The following ARNT variants were observed in gnomAD, a reference collection of about 807,000 sequenced individuals.
ARNT encodes the protein class E basic helix-loop-helix protein 2.
Under a neutral mutation model 105.0 loss-of-function variants are expected in ARNT, and 30 were observed. That is an observed-to-expected ratio of 0.29 (90% CI 0.21 to 0.39). The LOEUF (loss-of-function observed/expected upper bound fraction) is 0.39. Among genes scored for constraint, ARNT ranks in the 10% least tolerant of loss-of-function variants. ARNT has a pLI of 1.00. For synonymous variants in ARNT, 304 were observed against 344.0 expected (o/e 0.88, Z 1.29); for missense variants, 748 against 978.7 (o/e 0.76, Z 3.15).
chr1:150,812,364 C>T (rs1654904461), intron 21 of ARNT, among the ~76,000 whole-genome samples: 1 of 152,084 alleles, frequency 6.6e-6, no homozygotes, highest in Non-Finnish European at 1.5e-5. Flanking sequence ...GGAGAAAAAT[C>T]TGCTTGCTGT....
rs1217995190 is a variant in ARNT, at chr1:150,811,499, C to A, written c.*522G>T. 8.6e-6 allele frequency: 2 copies of A among 233,678 alleles called. No homozygotes were observed. The highest frequency in any genetic ancestry group is 1.7e-5 in the Non-Finnish European group (2 of 118,162). 14.5% of individuals were successfully genotyped at this position (233,678 alleles called of 1,614,324 possible). A position where few individuals can be genotyped will look rare whatever the true frequency, so the allele number is the denominator to read the frequency against. ...ACACATACACACACACTCTCTCTCA[C>A]TTACTCACATGTTTCTTTCCAGAGG... On this transcript the variant is annotated 3_prime_UTR_variant, in exon 22 of 22. Transcript: ENST00000358595.
intron 8 of ARNT, among the ~76,000 whole-genome samples, chr1:150,834,290 A>T (rs1470861147): frequency 6.6e-6 from 1 of 152,186 alleles, no homozygotes; most frequent in Non-Finnish European, 1.5e-5. Context: ...GGTAACCATC[A>T]ATCTTACACT....
At chr1:150,863,897 TAC>T (rs199720361) in intron 1 of ARNT, among the ~76,000 whole-genome samples, 1,641 of 151,902 alleles carry the variant, frequency 0.011, 6 homozygotes, top group Non-Finnish European at 0.017. Flanking sequence ...GATATGAAAA[TAC>T]AGTTATGTAT....
chr1:150,832,427 G>A lies in ARNT; in HGVS notation c.804-28C>T, dbSNP rs9325979. ...GTTTCAAGGAATAAAGAGATTAAAA[G>A]CAATCAGACTGCCCTATCAAAGAAC... On this transcript the variant is annotated intron_variant, in intron 8 of 21. Transcript: ENST00000358595. 0.012 allele frequency: 18,563 copies of A among 1,609,430 alleles called. 1,752 individuals carry two copies. In the African/African-American group the frequency reaches 0.21, roughly 18 times the overall value.
intron 14 of ARNT, among the ~76,000 whole-genome samples, chr1:150,821,794 G>A (rs1048356052): frequency 2.0e-5 from 3 of 150,000 alleles, no homozygotes; most frequent in Admixed American, 6.7e-5. Flanking sequence ...GACTATAGGC[G>A]TGTGCCACCA....
chr1:150,829,182 G>A lies in ARNT; in HGVS notation c.1078C>T (p.Pro360Ser). 2 of 1,614,136 alleles carry A rather than the reference G, an allele frequency of 1.2e-6. No individual in the cohort carries two copies. Among genetic ancestry groups the A allele is most frequent in the Non-Finnish European group, 8.5e-7 (1 of 1,179,998 alleles). Residue 360 changes from proline (P) to serine (S), a missense_variant, in exon 12 of 22, where the codon CCA becomes TCA. Pro to Ser is a moderately conservative substitution (Grantham distance 74). Coordinates refer to ENST00000358595, the MANE Select transcript of ARNT (RefSeq NM_001668.4). ...NCTDMSNVCQ[P>S]TEFISRHNIE... is the part of the protein sequence containing the mutation. ...TTGTGTCGGGAGATGAACTCTGTTG[G>A]TTGACAAACATTACTCATGTCTGTA...
At chr1:150,849,728 A>C (rs1367849799) in intron 3 of ARNT, among the ~76,000 whole-genome samples, 1 of 152,158 alleles carries the variant, frequency 6.6e-6, no homozygotes, top group Admixed American at 6.5e-5. Flanking sequence ...GTGCCACTGC[A>C]CTCCAGTCTG....
chr1:150,872,264 T>C (rs1220241998), intron 1 of ARNT, among the ~76,000 whole-genome samples: 1 of 152,126 alleles, frequency 6.6e-6, no homozygotes, highest in Non-Finnish European at 1.5e-5. Context: ...TAAAAGAATA[T>C]CTTGACATCT....
chr1:150,823,358 T>G lies in ARNT; in HGVS notation c.1243-13A>C, dbSNP rs1295635857. The G allele has an allele frequency of 6.3e-7, 1 of 1,583,672 alleles. No homozygotes were observed. The highest frequency in any genetic ancestry group is 1.8e-5 in the Admixed American group (1 of 56,462). On this transcript the variant is annotated splice_polypyrimidine_tract_variant and intron_variant, in intron 13 of 21. Transcript: ENST00000358595. ...TTAATTTCACTACCTGAAAAAGTTT[T>G]CATGCCATCAGTGGAACTCATAGAA...
At position 150,849,840 on chromosome 1, in the gene ARNT, G is replaced by A. The variant is rs587595736; in HGVS notation, c.182+2922C>T. 2.4e-4 allele frequency among the ~76,000 whole-genome samples: 37 copies of A among 152,274 alleles called. No homozygotes were observed. In the East Asian group the frequency reaches 5.6e-3, roughly 23 times the overall value. ...AGCCCTTTGGGAAGCTGAGGCAGGT[G>A]GACCACTTAAGGCCAAGAGTTCAAG... On this transcript the variant is annotated intron_variant, in intron 3 of 21. Coordinates refer to ENST00000358595, the MANE Select transcript of ARNT (RefSeq NM_001668.4).
intron 7 of ARNT, 131 bp from the exon 8 acceptor site, chr1:150,834,771 C>T (rs901877179): frequency 5.2e-5 from 34 of 651,586 alleles, no homozygotes; most frequent in Non-Finnish European, 5.1e-6. Context: ...ACAGAACTGA[C>T]CAAGCAGGAG....
At chr1:150,869,158 T>C (rs1299443675) in intron 1 of ARNT, among the ~76,000 whole-genome samples, 3 of 151,798 alleles carry the variant, frequency 2.0e-5, no homozygotes, top group African/African-American at 7.3e-5. Flanking sequence ...TTTAAAGAAT[T>C]GAAACATAGA....
intron 5 of ARNT, 155 bp downstream of exon 5, chr1:150,842,269 T>A: frequency 2.0e-6 from 2 of 985,348 alleles, no homozygotes; most frequent in Non-Finnish European, 2.4e-6. Flanking sequence ...GAAGCCAAAG[T>A]TCCTGTTACA....
intron 5 of ARNT, among the ~76,000 whole-genome samples, chr1:150,839,965 G>A (rs149267370): frequency 1.3e-4 from 20 of 152,228 alleles, no homozygotes; most frequent in Admixed American, 5.2e-4. Context: ...GACAGGTCAG[G>A]CATGGTGGCT....
chr1:150,861,337 A>T (rs766603952), intron 1 of ARNT: 1 of 393,778 alleles, frequency 2.5e-6, no homozygotes, highest in South Asian at 1.9e-5. Flanking sequence ...CGCAAAAAAA[A>T]AATTAAATTA....
At chr1:150,851,287 C>T (rs1167458391) in intron 3 of ARNT, among the ~76,000 whole-genome samples, 8 of 151,504 alleles carry the variant, frequency 5.3e-5, no homozygotes, top group African/African-American at 1.7e-4. Context: ...AGGTGGGGGG[C>T]GCCTCTGCCC....
chr1:150,825,772 C>T (rs1658094625), intron 13 of ARNT, among the ~76,000 whole-genome samples: 1 of 151,742 alleles, frequency 6.6e-6, no homozygotes, highest in Non-Finnish European at 1.5e-5. Context: ...TCGCTTGAAC[C>T]TAAGAGGCAG....
chr1:150,867,383 A>AC, intron 1 of ARNT, among the ~76,000 whole-genome samples: 1 of 151,894 alleles, frequency 6.6e-6, no homozygotes, highest in African/African-American at 2.4e-5. Context: ...AAAAAAAAAA[A>AC]AACTATTCAA....
rs775849120 is a variant in ARNT, at chr1:150,812,054, A to C, written c.2337T>G (p.Pro779=). The change falls in exon 22 of 22, where the codon CCT becomes CCG. Residue 779 remains proline, a synonymous_variant. Transcript: ENST00000358595. ...QSNSYNNEEF[P]DLTMFPPFSE Reference sequence around the variant, plus strand: ...AAAAGGGGGGAAACATAGTTAGATCAGGGAATTCTTCATTGTTGTAGCTGT... The same window carrying C: ...AAAAGGGGGGAAACATAGTTAGATCCGGGAATTCTTCATTGTTGTAGCTGT... The C allele has an allele frequency of 6.4e-7, 1 of 1,572,324 alleles. No individual in the cohort carries two copies. The highest frequency in any genetic ancestry group is 1.2e-5 in the South Asian group (1 of 85,258).
Sources: allele counts gnomAD v4.1 joint callset (sites outside exome capture counted in the v4.1 genomes callset), GRCh38; gene constraint gnomAD v4.1.1; transcripts MANE v1.5; gene names NCBI Gene and HGNC (gene_info 2026-07-23, HGNC 2026-07-21).